The following CKAP2 variants were observed in gnomAD, a reference collection of about 807,000 sequenced individuals.
The protein encoded by CKAP2 is cytoskeleton-associated protein 2.
In CKAP2, 46 loss-of-function variants were observed where a neutral mutation model predicts 58.4. The observed-to-expected ratio is 0.79, with a 90% CI of 0.62 to 1.01. The LOEUF is 1.01. Among genes scored for constraint, CKAP2 ranks in the 50% least tolerant of loss-of-function variants. CKAP2 has a pLI of 0.00. For synonymous variants in CKAP2, 293 were observed against 280.9 expected (o/e 1.04, Z -0.43); for missense variants, 809 against 796.4 (o/e 1.02, Z -0.19).
intron 4 of CKAP2, 111 bp downstream of exon 4, chr13:52,462,037 C>T: frequency 9.5e-7 from 1 of 1,047,536 alleles, no homozygotes; most frequent in Non-Finnish European, 1.3e-6. Context: ...GGTTTCTCTT[C>T]TGTCATATGC....
intron 6 of CKAP2, among the ~76,000 whole-genome samples, chr13:52,467,375 A>AGAGAAAAGGAGCAAGACTT (rs1958695738): frequency 6.6e-6 from 1 of 152,192 alleles, no homozygotes; most frequent in South Asian, 2.1e-4. Flanking sequence ...CTTAAATGTA[A>AGAGAAAAGGAGCAAGACTT]GAGAAAAGGA....
intron 2 of CKAP2, among the ~76,000 whole-genome samples, chr13:52,457,076 A>G (rs1396442939): frequency 1.3e-5 from 2 of 152,012 alleles, no homozygotes; most frequent in African/African-American, 2.4e-5. Flanking sequence ...TTTGTATTTT[A>G]AACAGAGACC....
intron 2 of CKAP2, among the ~76,000 whole-genome samples, chr13:52,460,184 A>G (rs2137838207): frequency 6.6e-6 from 1 of 152,232 alleles, no homozygotes; most frequent in African/African-American, 2.4e-5. Context: ...GTATCCTAAT[A>G]TAAATTAAGC....
chr13:52,465,132 A>G (rs1347983466), intron 5 of CKAP2, among the ~76,000 whole-genome samples, 163 bp from the exon 6 acceptor site: 2 of 152,234 alleles, frequency 1.3e-5, no homozygotes, highest in Non-Finnish European at 2.9e-5. Flanking sequence ...TCAAGATCAA[A>G]TAAGTGTTCA....
At chr13:52,470,556 A>G (rs529834773) in intron 7 of CKAP2, among the ~76,000 whole-genome samples, 2 of 152,328 alleles carry the variant, frequency 1.3e-5, no homozygotes, top group African/African-American at 4.8e-5. Context: ...AGCATACTAA[A>G]GTTCTAAATT....
rs761470508 is a variant in CKAP2 at position 52,475,021 on chromosome 13, T to G, written c.1929T>G (p.Asp643Glu). 2 of 1,614,228 alleles carry G rather than the reference T, an allele frequency of 1.2e-6. No homozygotes were observed. The highest frequency in any genetic ancestry group is 2.7e-5 in the African/African-American group (2 of 75,058). ...CTAAATTGCCAGATATGTTAAAAGA[T>G]CATTATCCTTGTGTGTCTTCATTGG... Reference protein sequence around the residue: ...KTSKLPDMLKDHYPCVSSLEQ... With the variant: ...KTSKLPDMLKEHYPCVSSLEQ... Residue 643 changes from aspartate (D) to glutamate (E), a missense_variant, in exon 9 of 9, where the codon GAT becomes GAG. Around this residue, in one of 3 missense-constraint regions of CKAP2, gnomAD observed 283 missense variants for 287.6 expected, o/e 0.98. Transcript: ENST00000258607.
intron 6 of CKAP2, among the ~76,000 whole-genome samples, chr13:52,466,398 A>G (rs1196736122): frequency 1.3e-5 from 2 of 152,236 alleles, no homozygotes; most frequent in East Asian, 1.9e-4. Flanking sequence ...AACGAACGCT[A>G]TTTGACTTTT....
intron 1 of CKAP2, chr13:52,456,077 A>T (rs1307132494): frequency 2.9e-6 from 3 of 1,020,372 alleles, no homozygotes; most frequent in Non-Finnish European, 3.5e-6. Context: ...CTTCGACTTT[A>T]TGGAAACCGA....
chr13:52,456,664 G>T, intron 2 of CKAP2, 57 bp downstream of exon 2: 1 of 1,334,772 alleles, frequency 7.5e-7, no homozygotes, highest in South Asian at 1.3e-5. Flanking sequence ...TCTGTCCAAT[G>T]AAAATGTAAA....
chr13:52,466,018 TATATACAC>T lies in CKAP2; in HGVS notation c.1476+567_1476+574del, dbSNP rs550084175. ...ACACATATATATACACACATACACA[TATATACAC>T]ATATACACATATATACACACACACA... On this transcript the variant is annotated intron_variant, in intron 6 of 8. Transcript: ENST00000258607. Among the ~76,000 whole-genome samples, 48 of 150,756 alleles carry T rather than the reference TATATACAC, an allele frequency of 3.2e-4. No homozygotes were observed. The South Asian group carries it at 3.3e-3, about 10-fold the overall frequency.
rs115252833 is a variant in CKAP2, at chr13:52,466,394, C to T, written c.1476+929C>T. 7.4e-3 allele frequency among the ~76,000 whole-genome samples: 1,125 copies of T among 152,260 alleles called. 6 individuals carry two copies. Among genetic ancestry groups the T allele is most frequent in the African/African-American group, 0.017 (701 of 41,536 alleles). On this transcript the variant is annotated intron_variant, in intron 6 of 8. Coordinates refer to ENST00000258607, the MANE Select transcript of CKAP2 (RefSeq NM_018204.5). ...CCTTTGTCTCAACAAAATCAACGAA[C>T]GCTATTTGACTTTTCACTTAAATAA...
At chr13:52,470,857 G>GT (rs1396616619) in intron 7 of CKAP2, among the ~76,000 whole-genome samples, 3 of 152,096 alleles carry the variant, frequency 2.0e-5, no homozygotes, top group Admixed American at 2.0e-4. Flanking sequence ...GAGGAGAAAA[G>GT]TTTAAGAATA....
intron 6 of CKAP2, among the ~76,000 whole-genome samples, chr13:52,467,066 C>G (rs1378887641): frequency 1.4e-5 from 2 of 146,014 alleles, no homozygotes; most frequent in Non-Finnish European, 3.0e-5. Context: ...TGCCACTGAA[C>G]TCCATCCTGA....
chr13:52,470,343 G>C (rs921560459), intron 7 of CKAP2, among the ~76,000 whole-genome samples: 1 of 152,034 alleles, frequency 6.6e-6, no homozygotes, highest in African/African-American at 2.4e-5. Flanking sequence ...GACCTCAGGT[G>C]ATCCGCCCAC....
intron 5 of CKAP2, 113 bp downstream of exon 5, chr13:52,462,680 T>G (rs1958605083): frequency 1.3e-6 from 1 of 781,944 alleles, no homozygotes; most frequent in South Asian, 1.8e-5. Flanking sequence ...GGTGATACTA[T>G]GTTGACTTAA....
Position 52,461,201 on chromosome 13 carries a change from A to G in CKAP2, c.375A>G (p.Gln125=). ...IDTHKPKDSN[Q]TPHLLLTEDD... ...CACATAAACCTAAGGATAGTAATCA[A>G]ACTCCGCATTTGTTACTAACTGAAG... Residue 125 remains glutamine (Q), a synonymous_variant, in exon 4 of 9, where the codon CAA becomes CAG. Transcript: ENST00000258607. 1 of 1,614,066 alleles carries G rather than the reference A, an allele frequency of 6.2e-7. No individual in the cohort carries two copies.
At chr13:52,462,227 A>G in intron 4 of CKAP2, 136 bp from the exon 5 acceptor site, 2 of 732,842 alleles carry the variant, frequency 2.7e-6, no homozygotes, top group Non-Finnish European at 2.2e-6. Flanking sequence ...GATATGTTTA[A>G]TATTTCTTCA....
chr13:52,455,700 G>C lies in CKAP2; in HGVS notation c.70+74G>C, dbSNP rs1045185056. 129 of 1,380,618 alleles carry C rather than the reference G, an allele frequency of 9.3e-5. No homozygotes were observed. In the South Asian group the frequency reaches 1.1e-3, roughly 12 times the overall value. The allele number at this position is 1,380,618 out of a possible 1,614,324, so 85.5% of individuals were successfully genotyped here. ...GGCGCGGGCCCGGCGGTCGGGGCTC[G>C]GGGCCGCGCTGGCGCGCTTCACCTC... On this transcript the variant is annotated intron_variant, in intron 1 of 8. Coordinates refer to ENST00000258607, the MANE Select transcript of CKAP2 (RefSeq NM_018204.5).
In CKAP2 at chr13:52,476,282, ATGTTCT is replaced by A. The variant is rs1958828050; in HGVS notation, c.*1142_*1147del. The stretch of plus-strand genomic sequence containing the variant: ...TATCTTTTCTATTTATTGACTTCTC[ATGTTCT>A]AGAGAGTAGGACTTTTATTCCGTGT... On this transcript the variant is annotated 3_prime_UTR_variant, in exon 9 of 9. Coordinates refer to ENST00000258607, the MANE Select transcript of CKAP2 (RefSeq NM_018204.5). 6.6e-6 allele frequency: 1 copy of A among 152,166 alleles called. No individual in the cohort carries two copies. Among genetic ancestry groups the A allele is most frequent in the Non-Finnish European group, 1.5e-5 (1 of 68,018 alleles). The allele number at this position is 152,166 out of a possible 1,614,324, so 9.4% of individuals were successfully genotyped here.
Sources: gnomAD v4.1 joint callset for allele counts (sites outside exome capture counted in the v4.1 genomes callset) on GRCh38, gnomAD v4.1.1 for gene constraint, gnomAD v4.1.1 regional missense constraint, MANE v1.5 for transcripts, NCBI Gene and HGNC (gene_info 2026-07-23, HGNC 2026-07-21) for gene names.